The following ADGRL3 variants were observed in gnomAD, a reference collection of about 807,000 sequenced individuals.
ADGRL3 encodes calcium-independent alpha-latrotoxin receptor 3.
ADGRL3 carries 62 observed loss-of-function variants against 153.5 expected under a neutral mutation model. The observed-to-expected ratio is 0.40, with a 90% CI of 0.33 to 0.50. The LOEUF (loss-of-function observed/expected upper bound fraction) is 0.50. Among genes scored for constraint, ADGRL3 ranks in the 20% least tolerant of loss-of-function variants. The pLI is 0.47. For missense variants in ADGRL3, 1,641 were observed against 1,859.4 expected (o/e 0.88, Z 2.16); for synonymous variants, 710 against 672.5 (o/e 1.06, Z -0.86).
At chr4:61,260,522 G>A (rs1194459206) in intron 1 of ADGRL3, among the ~76,000 whole-genome samples, 5 of 152,086 alleles carry the variant, frequency 3.3e-5, no homozygotes, top group Non-Finnish European at 7.4e-5. Context: ...TCTAATGTTG[G>A]AAAAGTTACT....
At chr4:62,015,073 G>A (rs2099205353) in intron 21 of ADGRL3, among the ~76,000 whole-genome samples, 3 of 152,160 alleles carry the variant, frequency 2.0e-5, no homozygotes, top group Non-Finnish European at 4.4e-5. Context: ...TAAATCATTG[G>A]ATTTGTAATT....
chr4:61,569,599 C>T (rs1014436604), intron 4 of ADGRL3, among the ~76,000 whole-genome samples: 20 of 151,656 alleles, frequency 1.3e-4, no homozygotes, highest in African/African-American at 4.9e-4. Flanking sequence ...ACTCCCAAGC[C>T]CTAGGCAACT....
chr4:61,923,720 C>T (rs1349886245), intron 13 of ADGRL3, among the ~76,000 whole-genome samples: 5 of 152,176 alleles, frequency 3.3e-5, no homozygotes, highest in Non-Finnish European at 7.3e-5. Flanking sequence ...CTTTGTCCCA[C>T]TTAGTCTGAA....
At chr4:61,448,851 A>AGGGAGGGAGGGAAGGAAGGGAG (rs55980752) in intron 2 of ADGRL3, among the ~76,000 whole-genome samples, 1 of 8,198 alleles carries the variant, frequency 1.2e-4, no homozygotes, top group African/African-American at 1.9e-4. Flanking sequence ...AAGGAAGGGA[A>AGGGAGGGAGGGAAGGAAGGGAG]GGAAGGGAGG....
intron 1 of ADGRL3, among the ~76,000 whole-genome samples, chr4:61,344,350 A>G (rs1450226834): frequency 1.3e-5 from 2 of 152,190 alleles, no homozygotes; most frequent in African/African-American, 4.8e-5. Flanking sequence ...GTAAAGTACA[A>G]GTTAAACAGA....
At chr4:61,813,659 A>G (rs2148622337) in intron 8 of ADGRL3, 150 bp from the exon 9 acceptor site, 2 of 742,448 alleles carry the variant, frequency 2.7e-6, no homozygotes, top group East Asian at 2.9e-5. Context: ...CGGATGACAC[A>G]TTGTTTTTAT....
chr4:61,373,401 A>G (rs2096564350), intron 1 of ADGRL3, among the ~76,000 whole-genome samples: 1 of 152,222 alleles, frequency 6.6e-6, no homozygotes, highest in Non-Finnish European at 1.5e-5. Context: ...TTTCATTTAT[A>G]GGTATACATA....
chr4:61,522,136 T>A, intron 4 of ADGRL3, among the ~76,000 whole-genome samples: 1 of 152,134 alleles, frequency 6.6e-6, no homozygotes, highest in East Asian at 1.9e-4. Flanking sequence ...AGCTTTGCTG[T>A]CTTTCCAGGC....
At chr4:61,721,503 C>T (rs997598019) in intron 6 of ADGRL3, among the ~76,000 whole-genome samples, 7 of 152,192 alleles carry the variant, frequency 4.6e-5, no homozygotes, top group South Asian at 4.1e-4. Flanking sequence ...CTAGCCCCTG[C>T]GCTGGCAGCT....
At chr4:61,242,938 A>G (rs564187111) in intron 1 of ADGRL3, among the ~76,000 whole-genome samples, 1 of 152,240 alleles carries the variant, frequency 6.6e-6, no homozygotes, top group African/African-American at 2.4e-5. Context: ...CAAACCAATA[A>G]GGCATAATCT....
At chr4:61,900,734 G>A (rs2098659901) in intron 11 of ADGRL3, among the ~76,000 whole-genome samples, 1 of 151,954 alleles carries the variant, frequency 6.6e-6, no homozygotes, top group Admixed American at 6.6e-5. Context: ...AAAATAGGGA[G>A]AAGGATAAAT....
chr4:61,230,000 T>C (rs1462235126), intron 1 of ADGRL3, among the ~76,000 whole-genome samples: 1 of 152,134 alleles, frequency 6.6e-6, no homozygotes, highest in Non-Finnish European at 1.5e-5. Context: ...AGTATCTGAT[T>C]TTTAAGTGTT....
At chr4:61,481,228 C>T (rs940416876) in intron 2 of ADGRL3, among the ~76,000 whole-genome samples, 3 of 152,028 alleles carry the variant, frequency 2.0e-5, no homozygotes, top group African/African-American at 7.2e-5. Context: ...CAAGTGATGA[C>T]AAAGTTTTAT....
At chr4:61,494,333 C>T (rs1210156901) in intron 2 of ADGRL3, among the ~76,000 whole-genome samples, 1 of 152,024 alleles carries the variant, frequency 6.6e-6, no homozygotes, top group East Asian at 1.9e-4. Flanking sequence ...CTGATACCAA[C>T]TTTTGACTCT....
At chr4:61,560,599 C>G (rs747229741) in intron 4 of ADGRL3, among the ~76,000 whole-genome samples, 1 of 152,042 alleles carries the variant, frequency 6.6e-6, no homozygotes, top group Admixed American at 6.6e-5. Context: ...AAACACAGTC[C>G]TACTACATCT....
intron 9 of ADGRL3, among the ~76,000 whole-genome samples, chr4:61,826,418 A>C (rs1334611086): frequency 3.3e-5 from 5 of 152,188 alleles, no homozygotes; most frequent in African/African-American, 1.2e-4. Flanking sequence ...CAAGATTTCT[A>C]TTCTCATGGA....
intron 1 of ADGRL3, among the ~76,000 whole-genome samples, chr4:61,244,371 G>T (rs949619769): frequency 2.0e-5 from 3 of 151,956 alleles, no homozygotes; most frequent in Non-Finnish European, 4.4e-5. Flanking sequence ...TAGAAGAGTT[G>T]CAGAACTGAA....
At chr4:62,036,653 C>T (rs1019618857) in intron 23 of ADGRL3, among the ~76,000 whole-genome samples, 1 of 151,814 alleles carries the variant, frequency 6.6e-6, no homozygotes, top group African/African-American at 2.4e-5. Context: ...AGCACATGTT[C>T]AAAACTTTGA....
chr4:61,702,752 C>A (rs1428435947), intron 6 of ADGRL3, among the ~76,000 whole-genome samples: 2 of 152,174 alleles, frequency 1.3e-5, no homozygotes, highest in Non-Finnish European at 2.9e-5. Context: ...TTGGCTACAA[C>A]TTTCAGTCCT....
Sources: allele counts gnomAD v4.1 joint callset (sites outside exome capture counted in the v4.1 genomes callset), GRCh38; gene constraint gnomAD v4.1.1; transcripts MANE v1.5; gene names NCBI Gene and HGNC (gene_info 2026-07-23, HGNC 2026-07-21).